UTP18: variants seen among roughly 807,000 people sequenced by gnomAD.
The protein encoded by UTP18 is UTP18 small subunit processome component, also known as U3 small nucleolar RNA-associated protein 18 homolog.
In UTP18, 36 loss-of-function variants were observed where a neutral mutation model predicts 61.1. That is an observed-to-expected ratio of 0.59 (90% confidence interval 0.45 to 0.78). The LOEUF (loss-of-function observed/expected upper bound fraction) is 0.78. Among genes scored for constraint, UTP18 ranks in the 30% least tolerant of loss-of-function variants. The pLI is 0.00. For synonymous variants in UTP18, 282 were observed against 251.1 expected, an observed-to-expected ratio of 1.12 and a Z score of -1.16; for missense variants, 753 against 693.9, an observed-to-expected ratio of 1.09 and a Z score of -0.96.
At chr17:51,286,507 A>G (rs1360414811) in intron 10 of UTP18, 9 of 456,174 alleles carry the variant, frequency 2.0e-5, no homozygotes, top group African/African-American at 6.0e-5. Context: ...AACTGCTTGT[A>G]TATATATCCC....
chr17:51,271,140 A>G (rs1174393546), intron 4 of UTP18, among the ~76,000 whole-genome samples: 1 of 152,032 alleles, frequency 6.6e-6, no homozygotes. Context: ...TCTCCCTATC[A>G]TTTTAGCTTG....
intron 1 of UTP18, among the ~76,000 whole-genome samples, chr17:51,261,162 T>C (rs2055463752): frequency 6.6e-6 from 1 of 152,262 alleles, no homozygotes; most frequent in Non-Finnish European, 1.5e-5. Flanking sequence ...GAGGCGCCGC[T>C]GCTCGGGTAT....
At chr17:51,288,356 T>G (rs931714331) in intron 11 of UTP18, among the ~76,000 whole-genome samples, 153 bp downstream of exon 11, 2 of 152,240 alleles carry the variant, frequency 1.3e-5, no homozygotes, top group African/African-American at 4.8e-5. Context: ...TGGATGTGGT[T>G]GTTGGAAGGA....
chr17:51,272,180 C>T (rs909158709), intron 4 of UTP18, among the ~76,000 whole-genome samples: 26 of 151,990 alleles, frequency 1.7e-4, no homozygotes, highest in African/African-American at 6.0e-4. Flanking sequence ...CTCACTGCAA[C>T]CTCTGCCTCC....
chr17:51,274,713 C>T (rs577580291), intron 5 of UTP18, among the ~76,000 whole-genome samples: 2 of 151,668 alleles, frequency 1.3e-5, no homozygotes, highest in Admixed American at 6.6e-5. Flanking sequence ...CAGCTCCCAA[C>T]GTGCTGGGAT....
chr17:51,294,671 A>G (rs544469325), intron 12 of UTP18, among the ~76,000 whole-genome samples: 47 of 152,226 alleles, frequency 3.1e-4, no homozygotes, highest in Middle Eastern at 6.8e-3. Flanking sequence ...ATACATGTGC[A>G]TGTGTCTTTA....
intron 11 of UTP18, 76 bp from the exon 12 acceptor site, chr17:51,293,827 A>G: frequency 8.0e-7 from 1 of 1,253,852 alleles, no homozygotes; most frequent in Non-Finnish European, 1.1e-6. Context: ...CAGCAGGAAG[A>G]TAGAGTGAAG....
In UTP18 at chr17:51,297,069, G is replaced by A. The variant is rs1212007356; in HGVS notation, c.*14+66G>A. The A allele has an allele frequency of 3.2e-5, 43 of 1,357,088 alleles. 1 individual carries two copies. Among genetic ancestry groups the A allele is most frequent in the Middle Eastern group, 3.7e-4 (2 of 5,422 alleles). The allele number at this position is 1,357,088 out of a possible 1,614,324, so 84.1% of individuals were successfully genotyped here. ...ATACACCCATTGCTGTCAGTTGGTG[G>A]AAGCAGCACATTAGCTGAGCTTTGT... On this transcript the variant is annotated intron_variant, in intron 13 of 13. Transcript: ENST00000225298.
intron 5 of UTP18, among the ~76,000 whole-genome samples, chr17:51,275,463 A>C (rs1297144969): frequency 6.6e-6 from 1 of 152,214 alleles, no homozygotes; most frequent in Admixed American, 6.5e-5. Flanking sequence ...TTGTGCCATG[A>C]ATGCAAAGAT....
In UTP18 at chr17:51,295,612, A is replaced by G. The variant is rs571510941; in HGVS notation, c.1647-1353A>G. Among the ~76,000 whole-genome samples the G allele has an allele frequency of 5.3e-5, 8 of 152,244 alleles. No homozygotes were observed. The East Asian group carries it at 1.2e-3, about 22-fold the overall frequency. ...GTTTTGGTTACTGTAGCCTTGTAGT[A>G]TAGTTTGAAGTCAGGTAGCATGATG... On this transcript the variant is annotated intron_variant, in intron 12 of 13. Coordinates refer to ENST00000225298, the MANE Select transcript of UTP18 (RefSeq NM_016001.3).
At chr17:51,281,382 C>T (rs1028167618) in intron 9 of UTP18, among the ~76,000 whole-genome samples, 3 of 151,790 alleles carry the variant, frequency 2.0e-5, no homozygotes, top group Non-Finnish European at 2.9e-5. Flanking sequence ...CCTATGATTC[C>T]CCATGCTATG....
At chr17:51,268,773 T>C (rs542968088) in intron 3 of UTP18, 64 bp from the exon 4 acceptor site, 5 of 1,347,106 alleles carry the variant, frequency 3.7e-6, no homozygotes, top group South Asian at 3.6e-5. Context: ...ATGCTTTAAA[T>C]GTATCAAGCT....
At chr17:51,288,484 G>C in intron 11 of UTP18, 2 of 484,976 alleles carry the variant, frequency 4.1e-6, no homozygotes, top group Non-Finnish European at 8.1e-6. Context: ...TTAATGTTAA[G>C]GACTATATTT....
Position 51,260,941 on chromosome 17 carries a change from G to T in UTP18, c.342+15G>T. 1 of 1,525,934 alleles carries T rather than the reference G, an allele frequency of 6.6e-7. No individual in the cohort carries two copies. The highest frequency in any genetic ancestry group is 8.8e-7 in the Non-Finnish European group (1 of 1,140,056). The allele number at this position is 1,525,934 out of a possible 1,614,324, so 94.5% of individuals were successfully genotyped here. A position where few individuals can be genotyped will look rare whatever the true frequency, so the allele number is the denominator to read the frequency against. The stretch of plus-strand genomic sequence containing the variant: ...GAGGCCCGAGGGTGAGGGAGGCCGC[G>T]GCGCGCGGGCTGGGCGCACTCGGGC... On this transcript the variant is annotated intron_variant, in intron 1 of 13. Coordinates refer to ENST00000225298, the MANE Select transcript of UTP18 (RefSeq NM_016001.3).
At position 51,282,817 on chromosome 17, in the gene UTP18, G is replaced by A. The variant is rs182155212; in HGVS notation, c.1204+2338G>A. Among the ~76,000 whole-genome samples the A allele has an allele frequency of 6.9e-4, 105 of 151,360 alleles. 1 individual carries two copies. Among genetic ancestry groups the A allele is most frequent in the Non-Finnish European group, 1.6e-4 (11 of 67,780 alleles). On this transcript the variant is annotated intron_variant, in intron 9 of 13. Coordinates refer to ENST00000225298, the MANE Select transcript of UTP18 (RefSeq NM_016001.3). ...TAGGGGTAATTTTGAAATGTTGATG[G>A]TTCTCTTCCTCTCTCTCCGCTTCTT...
intron 11 of UTP18, chr17:51,288,564 G>A: frequency 6.5e-6 from 3 of 458,292 alleles, no homozygotes; most frequent in South Asian, 4.6e-5. Context: ...TGTCTTAACA[G>A]AACGGAGGCA....
intron 10 of UTP18, among the ~76,000 whole-genome samples, chr17:51,286,802 G>A (rs1278371259): frequency 3.9e-5 from 6 of 152,220 alleles, no homozygotes; most frequent in African/African-American, 1.4e-4. Context: ...GAAGACTGCT[G>A]TTTAAACTCA....
chr17:51,265,923 C>T (rs953133660), intron 2 of UTP18, among the ~76,000 whole-genome samples: 1 of 152,128 alleles, frequency 6.6e-6, no homozygotes, highest in African/African-American at 2.4e-5. Context: ...TGGAGAATTT[C>T]ATAAACTGTG....
Position 51,285,302 on chromosome 17 carries a change from T to C in UTP18, c.1262T>C (p.Val421Ala), listed in dbSNP as rs752580229. ...VNSRKCLNRF[V>A]DEGSLYGLSI... The stretch of plus-strand genomic sequence containing the variant: ...TCAAGGAAGTGCCTTAACAGATTTG[T>C]TGATGAAGGCAGTTTATATGGATTA... The change falls in exon 10 of 14, where the codon GTT (valine) becomes GCT (alanine). Residue 421 changes from valine (V) to alanine (A), a missense_variant. By Grantham distance (64) the Val-to-Ala change is moderately conservative (BLOSUM62 0). Transcript: ENST00000225298. 6.2e-7 allele frequency: 1 copy of C among 1,614,064 alleles called. No individual in the cohort carries two copies. The highest frequency in any genetic ancestry group is 1.1e-5 in the South Asian group (1 of 91,074).
Sources: gnomAD v4.1 joint callset for allele counts (sites outside exome capture counted in the v4.1 genomes callset) on GRCh38, gnomAD v4.1.1 for gene constraint, MANE v1.5 for transcripts, NCBI Gene and HGNC (gene_info 2026-07-23, HGNC 2026-07-21) for gene names.